The following MYSM1 variants were observed in gnomAD, a reference collection of about 807,000 sequenced individuals.
The protein encoded by MYSM1 is deubiquitinase MYSM1.
A neutral mutation model predicts 116.0 loss-of-function variants in MYSM1; 51 were observed. That is an observed-to-expected ratio of 0.44 (90% CI 0.35 to 0.56). The LOEUF (loss-of-function observed/expected upper bound fraction) is 0.56. MYSM1 is among the 20% of genes least tolerant of loss of function. The pLI is 0.00. For missense variants in MYSM1, 900 were observed against 974.9 expected (o/e 0.92, Z 1.02); for synonymous variants, 313 against 315.2 (o/e 0.99, Z 0.07).
intron 12 of MYSM1, among the ~76,000 whole-genome samples, chr1:58,671,297 T>C (rs1245230552): frequency 1.3e-5 from 2 of 152,146 alleles, no homozygotes; most frequent in Non-Finnish European, 2.9e-5. Flanking sequence ...AAATTATTGT[T>C]TAATAAATGA....
intron 13 of MYSM1, 61 bp from the exon 14 acceptor site, chr1:58,668,743 C>A: frequency 6.9e-7 from 1 of 1,447,438 alleles, no homozygotes; most frequent in East Asian, 2.4e-5. Context: ...TTGTTTTCCC[C>A]ACCTGGAATG....
At chr1:58,698,839 T>C (rs1013477139) in intron 1 of MYSM1, among the ~76,000 whole-genome samples, 1 of 152,180 alleles carries the variant, frequency 6.6e-6, no homozygotes, top group East Asian at 1.9e-4. Context: ...ATGAGTTTAA[T>C]CACCCCTCAC....
chr1:58,656,462 CCCTTT>C lies in MYSM1; in HGVS notation c.*3530_*3534del, dbSNP rs1482334028. The C allele has an allele frequency of 6.6e-6, 1 of 152,156 alleles. No homozygotes were observed. The highest frequency in any genetic ancestry group is 1.5e-5 in the Non-Finnish European group (1 of 68,040). The allele number at this position is 152,156 out of a possible 1,614,324, so 9.4% of individuals were successfully genotyped here. On this transcript the variant is annotated 3_prime_UTR_variant, in exon 20 of 20. Transcript: ENST00000472487. ...AGGAAAGAAAGGTAGTAGGATGTTT[CCCTTT>C]CAAGTGTGGCACGAGTTTCAAAACT... is the stretch of plus-strand genomic sequence containing the variant.
intron 17 of MYSM1, among the ~76,000 whole-genome samples, chr1:58,665,064 C>G (rs1389653774): frequency 6.6e-6 from 1 of 152,066 alleles, no homozygotes; most frequent in Admixed American, 6.6e-5. Context: ...AAGAGAGATA[C>G]AAATTGAGTT....
intron 1 of MYSM1, chr1:58,699,751 C>T: frequency 3.0e-6 from 3 of 985,460 alleles, no homozygotes; most frequent in Non-Finnish European, 3.6e-6. Context: ...GCCCTCACAG[C>T]ATCCGGCAAA....
chr1:58,662,817 A>C (rs1452789127), intron 17 of MYSM1, among the ~76,000 whole-genome samples: 1 of 152,086 alleles, frequency 6.6e-6, no homozygotes, highest in Non-Finnish European at 1.5e-5. Flanking sequence ...TAATTGCTCA[A>C]TTTTCCTCTT....
chr1:58,697,664 A>G (rs948972021), intron 1 of MYSM1, among the ~76,000 whole-genome samples: 4 of 150,834 alleles, frequency 2.7e-5, no homozygotes, highest in African/African-American at 7.3e-5. Context: ...ATCTCGGCTC[A>G]CTGCAACCTT....
intron 17 of MYSM1, among the ~76,000 whole-genome samples, chr1:58,662,020 A>G (rs1644399968): frequency 6.6e-6 from 1 of 151,878 alleles, no homozygotes; most frequent in South Asian, 2.1e-4. Context: ...ATTAAAAATC[A>G]TATTTAGGCT....
intron 7 of MYSM1, among the ~76,000 whole-genome samples, chr1:58,684,699 C>T (rs1010216781): frequency 6.6e-6 from 1 of 151,940 alleles, no homozygotes; most frequent in African/African-American, 2.4e-5. Context: ...ATTAAAGTTT[C>T]AGACAATTTT....
rs1223856741 is a variant in MYSM1, at chr1:58,690,266, AAG to A, written c.297-19_297-18del. On this transcript the variant is annotated intron_variant, in intron 4 of 19. Coordinates refer to ENST00000472487, the MANE Select transcript of MYSM1 (RefSeq NM_001085487.3). Reference sequence around the variant, plus strand: ...TTCTGCAGACTGCATCACATGAAAAAAGAAAATAAGGAAGCGTGTGAGGTTTC... The same window carrying A: ...TTCTGCAGACTGCATCACATGAAAAAAAAATAAGGAAGCGTGTGAGGTTTC... 1.3e-6 allele frequency: 2 copies of A among 1,573,626 alleles called. No homozygotes were observed. The highest frequency in any genetic ancestry group is 1.7e-6 in the Non-Finnish European group (2 of 1,163,458).
chr1:58,684,279 T>C (rs1261651319), intron 7 of MYSM1, among the ~76,000 whole-genome samples: 1 of 152,062 alleles, frequency 6.6e-6, no homozygotes, highest in African/African-American at 2.4e-5. Context: ...TATTAAAAAA[T>C]TCTAGGCCGG....
rs542051592 is a variant in MYSM1 at position 58,697,582 on chromosome 1, CA to C, written c.69-2376del. On this transcript the variant is annotated intron_variant, in intron 1 of 19. Coordinates refer to ENST00000472487, the MANE Select transcript of MYSM1 (RefSeq NM_001085487.3). ...AGAATGGTAGAAGTAGAAGAGAAAC[CA>C]AAAAAAAATTTTTTTTTTTTTTTGA... Among the ~76,000 whole-genome samples, 1,044 of 149,610 alleles carry C rather than the reference CA, an allele frequency of 7.0e-3. 8 individuals are homozygous for C. Among genetic ancestry groups the C allele is most frequent in the East Asian group, 0.02 (102 of 5,104 alleles).
At chr1:58,689,393 G>A (rs764335514) in intron 5 of MYSM1, 6 of 295,658 alleles carry the variant, frequency 2.0e-5, no homozygotes, top group Non-Finnish European at 3.7e-5. Context: ...GGAAGTCAAT[G>A]TGATAACAAA....
chr1:58,685,070 T>C (rs1644807903), intron 7 of MYSM1, 83 bp downstream of exon 7: 1 of 1,153,936 alleles, frequency 8.7e-7, no homozygotes, highest in Non-Finnish European at 1.2e-6. Flanking sequence ...AGTAAGACTT[T>C]AATGCCTGAA....
At chr1:58,686,002 T>C (rs1644822776) in intron 6 of MYSM1, among the ~76,000 whole-genome samples, 1 of 152,170 alleles carries the variant, frequency 6.6e-6, no homozygotes, top group South Asian at 2.1e-4. Context: ...TCACGGCTCA[T>C]GCAGCCTCAA....
chr1:58,697,420 G>C (rs1029277179), intron 1 of MYSM1, among the ~76,000 whole-genome samples: 1 of 152,098 alleles, frequency 6.6e-6, no homozygotes, highest in Non-Finnish European at 1.5e-5. Context: ...TTTAACACTG[G>C]TAAAATTTCA....
chr1:58,693,661 T>C (rs1186670718), intron 2 of MYSM1, among the ~76,000 whole-genome samples: 4 of 152,186 alleles, frequency 2.6e-5, no homozygotes, highest in African/African-American at 9.6e-5. Flanking sequence ...ATCTACTCTA[T>C]CTCTTCTGCT....
At chr1:58,680,734 C>T (rs922079421) in intron 8 of MYSM1, among the ~76,000 whole-genome samples, 1 of 152,184 alleles carries the variant, frequency 6.6e-6, no homozygotes, top group Non-Finnish European at 1.5e-5. Flanking sequence ...AGAACCCCTG[C>T]TCAAGGAACT....
At chr1:58,673,188 C>T (rs992132070) in intron 11 of MYSM1, among the ~76,000 whole-genome samples, 2 of 149,678 alleles carry the variant, frequency 1.3e-5, no homozygotes, top group African/African-American at 4.9e-5. Flanking sequence ...CTAGCTGTTA[C>T]AAAAAATATA....
Sources: gnomAD v4.1 joint callset for allele counts (sites outside exome capture counted in the v4.1 genomes callset) on GRCh38, gnomAD v4.1.1 for gene constraint, MANE v1.5 for transcripts, NCBI Gene and HGNC (gene_info 2026-07-23, HGNC 2026-07-21) for gene names.